KMT2C: variants seen among roughly 807,000 people sequenced by gnomAD.
The protein encoded by KMT2C is histone-lysine N-methyltransferase 2C.
KMT2C carries 88 observed loss-of-function variants against 507.9 expected under a neutral mutation model. That is an observed-to-expected ratio of 0.17 (90% CI 0.15 to 0.21). The LOEUF (loss-of-function observed/expected upper bound fraction) is 0.21. KMT2C is among the 10% of genes least tolerant of loss of function. The probability of loss-of-function intolerance (pLI) is 1.00; values close to 1 mark genes in which losing one functional copy is unlikely to be tolerated. For synonymous variants in KMT2C, 2,049 were observed against 2,080.8 expected (o/e 0.98, Z 0.42); for missense variants, 4,954 against 5,957.8 (o/e 0.83, Z 5.55).
intron 1 of KMT2C, chr7:152,367,893 C>G (rs549991564): frequency 9.4e-7 from 1 of 1,064,126 alleles, no homozygotes; most frequent in South Asian, 1.3e-5. Flanking sequence ...GTTTATGAAG[C>G]GTTCGCATGA....
At chr7:152,229,639 T>A (rs2095046778) in intron 18 of KMT2C, among the ~76,000 whole-genome samples, 1 of 152,176 alleles carries the variant, frequency 6.6e-6, no homozygotes, top group South Asian at 2.1e-4. Context: ...ATGAATTAGC[T>A]AAACCTAAAA....
In KMT2C at chr7:152,368,800, CTT is replaced by C. The variant is rs1450258085; in HGVS notation, c.162-10127_162-10126del. 6.6e-5 allele frequency: 44 copies of C among 668,856 alleles called. No individual in the cohort carries two copies. In the East Asian group the frequency reaches 1.2e-3, roughly 18 times the overall value. 41.4% of individuals were successfully genotyped at this position (668,856 alleles called of 1,614,324 possible). A position where few individuals can be genotyped will look rare whatever the true frequency, so the allele number is the denominator to read the frequency against. On this transcript the variant is annotated intron_variant, in intron 1 of 58. Coordinates refer to ENST00000262189, the MANE Select transcript of KMT2C (RefSeq NM_170606.3). Reference sequence around the variant, plus strand: ...AACAGCGTGACAAAAATTATTTTTTCTTGTTTTTCTTGATGGAGATTAAGATG... The same window carrying C: ...AACAGCGTGACAAAAATTATTTTTTCGTTTTTCTTGATGGAGATTAAGATG...
intron 3 of KMT2C, among the ~76,000 whole-genome samples, chr7:152,330,040 A>G: frequency 6.6e-6 from 1 of 150,894 alleles, no homozygotes; most frequent in East Asian, 2.0e-4. Context: ...GCTACTCAGG[A>G]GCCTGAGGCA....
At chr7:152,214,001 A>G (rs1304688543) in intron 23 of KMT2C, among the ~76,000 whole-genome samples, 1 of 152,162 alleles carries the variant, frequency 6.6e-6, no homozygotes, top group African/African-American at 2.4e-5. Flanking sequence ...AGAAAAATGA[A>G]AATTAAAACC....
chr7:152,324,525 T>C (rs1376792029), intron 3 of KMT2C, among the ~76,000 whole-genome samples: 1 of 151,568 alleles, frequency 6.6e-6, no homozygotes, highest in Non-Finnish European at 1.5e-5. Flanking sequence ...CTGAGAAAAA[T>C]ATAACATGAG....
chr7:152,309,200 T>C (rs1206382985), intron 6 of KMT2C, among the ~76,000 whole-genome samples: 1 of 152,162 alleles, frequency 6.6e-6, no homozygotes, highest in Non-Finnish European at 1.5e-5. Flanking sequence ...ATAAGCATAG[T>C]GCAAAATTTT....
chr7:152,374,766 G>C lies in KMT2C; in HGVS notation c.162-16091C>G, dbSNP rs371672272. Among the ~76,000 whole-genome samples, 355 of 151,846 alleles carry C rather than the reference G, an allele frequency of 2.3e-3. 2 individuals are homozygous for C. The highest frequency in any genetic ancestry group is 4.4e-3 in the Non-Finnish European group (296 of 67,976). On this transcript the variant is annotated intron_variant, in intron 1 of 58. Transcript: ENST00000262189. ...ATACAAAAATTAGCCAGGCATGGTGGCACACTCCTGTAATCCCAGCTACTT... is the reference window on the plus strand; with the variant it reads ...ATACAAAAATTAGCCAGGCATGGTGCCACACTCCTGTAATCCCAGCTACTT...
chr7:152,362,467 T>A (rs775885019), intron 1 of KMT2C, among the ~76,000 whole-genome samples: 1 of 152,108 alleles, frequency 6.6e-6, no homozygotes, highest in African/African-American at 2.4e-5. Context: ...CTAGAAATCC[T>A]CGAAACAATC....
intron 1 of KMT2C, among the ~76,000 whole-genome samples, chr7:152,372,459 C>A (rs572998514): frequency 1.3e-5 from 2 of 151,954 alleles, no homozygotes; most frequent in African/African-American, 2.4e-5. Flanking sequence ...CCCAGCCAAG[C>A]GGATTTTTAA....
intron 1 of KMT2C, among the ~76,000 whole-genome samples, chr7:152,418,408 A>G (rs1445966268): frequency 6.6e-6 from 1 of 152,094 alleles, no homozygotes; most frequent in Non-Finnish European, 1.5e-5. Flanking sequence ...GTATGGTTAC[A>G]TAAATTATAG....
chr7:152,372,778 T>C (rs1211317911), intron 1 of KMT2C, among the ~76,000 whole-genome samples: 2 of 152,138 alleles, frequency 1.3e-5, no homozygotes, highest in Non-Finnish European at 2.9e-5. Flanking sequence ...GGAACTTAAA[T>C]ACCCCACTTT....
rs1305031368 is a variant in KMT2C at position 152,179,934 on chromosome 7, C to T, written c.7342G>A (p.Ala2448Thr). Residue 2448 changes from alanine to threonine, a missense_variant, in exon 37 of 59, where the codon GCC becomes ACC. By Grantham distance (58) the Ala-to-Thr change is moderately conservative. Coordinates refer to ENST00000262189, the MANE Select transcript of KMT2C (RefSeq NM_170606.3). The part of the protein sequence containing the change: ...PYPGNIRSPV[A>T]PPLGPRYAVF... ...GCATATCTAGGTCCTAAAGGAGGGGCAACAGGAGACCTAATGTTCCCAGGA... is the reference window on the plus strand; with the variant it reads ...GCATATCTAGGTCCTAAAGGAGGGGTAACAGGAGACCTAATGTTCCCAGGA... 3 of 1,613,938 alleles carry T rather than the reference C, an allele frequency of 1.9e-6. No individual in the cohort carries two copies. The highest frequency in any genetic ancestry group is 2.5e-6 in the Non-Finnish European group (3 of 1,179,982).
chr7:152,236,738 T>G (rs1000527637), intron 15 of KMT2C, among the ~76,000 whole-genome samples: 1 of 152,212 alleles, frequency 6.6e-6, no homozygotes. Flanking sequence ...GTCACTCAGG[T>G]TGGAGTGCAG....
At chr7:152,270,258 T>C (rs2095937635) in intron 7 of KMT2C, among the ~76,000 whole-genome samples, 1 of 152,028 alleles carries the variant, frequency 6.6e-6, no homozygotes, top group Non-Finnish European at 1.5e-5. Flanking sequence ...TGACAGAATT[T>C]AGGGTAAAAG....
chr7:152,192,603 G>A (rs1387975568), intron 31 of KMT2C, among the ~76,000 whole-genome samples: 3 of 151,656 alleles, frequency 2.0e-5, no homozygotes, highest in African/African-American at 7.3e-5. Flanking sequence ...TATATGATAA[G>A]TATATTACCC....
At position 152,353,072 on chromosome 7, in the gene KMT2C, G is replaced by A. The variant is rs147222850; in HGVS notation, c.250+5515C>T. Among the ~76,000 whole-genome samples the A allele has an allele frequency of 9.4e-3, 1,439 of 152,276 alleles. 27 individuals are homozygous for A. The highest frequency in any genetic ancestry group is 0.033 in the African/African-American group (1,384 of 41,530). ...AAGTAACTAGCACTTCACTCAAGTT[G>A]ATTTTATTCATATAAAAAAAATGCG... On this transcript the variant is annotated intron_variant, in intron 2 of 58. Transcript: ENST00000262189.
intron 1 of KMT2C, among the ~76,000 whole-genome samples, chr7:152,425,632 A>AAT (rs2097809107): frequency 6.6e-6 from 1 of 152,176 alleles, no homozygotes; most frequent in Non-Finnish European, 1.5e-5. Context: ...ATGGTAGAAC[A>AAT]ATTCAATGAG....
intron 7 of KMT2C, among the ~76,000 whole-genome samples, chr7:152,269,392 G>C (rs1466165503): frequency 6.6e-6 from 1 of 152,226 alleles, no homozygotes; most frequent in Non-Finnish European, 1.5e-5. Context: ...CAGTCAGGGA[G>C]AAGATGTGTG....
At chr7:152,234,441 C>T (rs2095220652) in intron 16 of KMT2C, among the ~76,000 whole-genome samples, 1 of 151,692 alleles carries the variant, frequency 6.6e-6, no homozygotes, top group Non-Finnish European at 1.5e-5. Flanking sequence ...AAGAAAATTT[C>T]AGGCCAAGAT....
Sources: gnomAD v4.1 joint callset for allele counts (sites outside exome capture counted in the v4.1 genomes callset) on GRCh38, gnomAD v4.1.1 for gene constraint, MANE v1.5 for transcripts, NCBI Gene and HGNC (gene_info 2026-07-23, HGNC 2026-07-21) for gene names.